Variants in UBAC2 observed in about 807,000 individuals in gnomAD.
UBAC2 encodes ubiquitin-associated domain-containing protein 2.
In UBAC2, 26 loss-of-function variants were observed where a neutral mutation model predicts 44.0. That is an observed-to-expected ratio of 0.59 (90% confidence interval 0.43 to 0.82). The LOEUF (loss-of-function observed/expected upper bound fraction) is 0.82. Ranked by LOEUF, UBAC2 falls within the 40% of genes least tolerant of loss-of-function variation. The probability of loss-of-function intolerance (pLI) is 0.00; values close to 1 mark genes in which losing one functional copy is unlikely to be tolerated. For missense variants in UBAC2, 329 were observed against 419.4 expected, an observed-to-expected ratio of 0.78 and a Z score of 1.88; for synonymous variants, 155 against 154.3, an observed-to-expected ratio of 1.00 and a Z score of -0.04.
intron 1 of UBAC2, among the ~76,000 whole-genome samples, chr13:99,229,518 A>G (rs931720656): frequency 6.6e-6 from 1 of 152,226 alleles, no homozygotes; most frequent in African/African-American, 2.4e-5. Context: ...GGTCTGGACA[A>G]CCAGGGACAG....
chr13:99,358,133 C>G (rs1411166672), intron 7 of UBAC2, among the ~76,000 whole-genome samples: 7 of 152,088 alleles, frequency 4.6e-5, no homozygotes, highest in Non-Finnish European at 1.0e-4. Context: ...GGCTCCCCAG[C>G]AGGAGTAGAG....
chr13:99,324,043 T>G (rs1033739305), intron 6 of UBAC2, among the ~76,000 whole-genome samples: 3 of 152,194 alleles, frequency 2.0e-5, no homozygotes, highest in Non-Finnish European at 4.4e-5. Flanking sequence ...CCCCTGTCAC[T>G]TCTGTGAACC....
At chr13:99,341,656 AAAG>A (rs2044891219) in intron 7 of UBAC2, among the ~76,000 whole-genome samples, 1 of 152,210 alleles carries the variant, frequency 6.6e-6, no homozygotes, top group African/African-American at 2.4e-5. Flanking sequence ...AGCCGAAAGC[AAAG>A]AAGTAGTAAG....
rs2043617388 is a variant in UBAC2 at position 99,259,057 on chromosome 13, G to GA, written c.389+14436dup. On this transcript the variant is annotated intron_variant, in intron 4 of 8. Transcript: ENST00000403766. ...ATAAAAATTTCTGCAAATCTTAGCA[G>GA]AAAGGACTCTGAAGTCTTTAGTGGA... Among the ~76,000 whole-genome samples, 4 of 152,280 alleles carry GA rather than the reference G, an allele frequency of 2.6e-5. No individual in the cohort carries two copies. The South Asian group carries it at 8.3e-4, about 32-fold the overall frequency.
chr13:99,314,824 C>T (rs2044466995), intron 5 of UBAC2: 1 of 152,332 alleles, frequency 6.6e-6, no homozygotes, highest in Non-Finnish European at 1.5e-5. Context: ...GTCAATTGCT[C>T]CCTGCTGGGC....
At chr13:99,248,388 A>ATTTT (rs35640725) in intron 4 of UBAC2, among the ~76,000 whole-genome samples, 2 of 130,142 alleles carry the variant, frequency 1.5e-5, no homozygotes, top group African/African-American at 5.8e-5. Flanking sequence ...TGCCCACCTA[A>ATTTT]TTTTTTTTTT....
At chr13:99,321,886 T>C (rs2044573342) in intron 6 of UBAC2, among the ~76,000 whole-genome samples, 2 of 152,194 alleles carry the variant, frequency 1.3e-5, no homozygotes, top group Non-Finnish European at 2.9e-5. Flanking sequence ...TATTTTGTTA[T>C]CCAGTAGAGA....
chr13:99,243,993 A>C, intron 3 of UBAC2, 42 bp downstream of exon 3: 1 of 1,460,810 alleles, frequency 6.8e-7, no homozygotes. Context: ...TAGGCTGTAG[A>C]AAAAAATTTT....
chr13:99,215,563 C>T, intron 1 of UBAC2: 2 of 1,428,402 alleles, frequency 1.4e-6, no homozygotes, highest in Non-Finnish European at 2.0e-6. Context: ...AGTTCAAGTC[C>T]CTCTGCGGTG....
chr13:99,322,648 T>C (rs1011032985), intron 6 of UBAC2, among the ~76,000 whole-genome samples: 2 of 152,194 alleles, frequency 1.3e-5, no homozygotes, highest in Non-Finnish European at 2.9e-5. Flanking sequence ...AGACTTTGAT[T>C]ATCTCTGATC....
chr13:99,226,050 T>G (rs2043107029), intron 1 of UBAC2, among the ~76,000 whole-genome samples: 1 of 152,202 alleles, frequency 6.6e-6, no homozygotes, highest in South Asian at 2.1e-4. Flanking sequence ...ATAGCAGGAC[T>G]TCATCCCTGA....
chr13:99,259,803 C>T (rs984120890), intron 4 of UBAC2, among the ~76,000 whole-genome samples: 2 of 152,220 alleles, frequency 1.3e-5, no homozygotes, highest in Non-Finnish European at 2.9e-5. Flanking sequence ...TTAGCTTCCC[C>T]ATTGCTGCTA....
intron 1 of UBAC2, among the ~76,000 whole-genome samples, chr13:99,221,574 T>C (rs571486464): frequency 6.6e-6 from 1 of 152,294 alleles, no homozygotes; most frequent in South Asian, 2.1e-4. Flanking sequence ...TCCCATTTGG[T>C]GTGTAAGCTG....
At chr13:99,267,643 C>A (rs1207366579) in intron 4 of UBAC2, among the ~76,000 whole-genome samples, 1 of 152,186 alleles carries the variant, frequency 6.6e-6, no homozygotes, top group African/African-American at 2.4e-5. Flanking sequence ...CTTTCTTATG[C>A]TCTGAAAGGT....
At chr13:99,375,099 G>A (rs1230593756) in intron 8 of UBAC2, among the ~76,000 whole-genome samples, 1 of 152,048 alleles carries the variant, frequency 6.6e-6, no homozygotes, top group African/African-American at 2.4e-5. Context: ...ACTTTTGTGG[G>A]GTGTCTCATT....
At chr13:99,209,370 T>C (rs1407007094) in intron 1 of UBAC2, among the ~76,000 whole-genome samples, 2 of 152,216 alleles carry the variant, frequency 1.3e-5, no homozygotes, top group East Asian at 1.9e-4. Context: ...GGGACTGCCT[T>C]GCAATCACTC....
chr13:99,264,088 C>G (rs763996021), intron 4 of UBAC2, among the ~76,000 whole-genome samples: 3 of 152,116 alleles, frequency 2.0e-5, no homozygotes, highest in Non-Finnish European at 4.4e-5. Context: ...CACTTAGGCC[C>G]AAAGAGATCA....
At chr13:99,369,781 T>C (rs953541031) in intron 8 of UBAC2, among the ~76,000 whole-genome samples, 1 of 152,212 alleles carries the variant, frequency 6.6e-6, no homozygotes, top group African/African-American at 2.4e-5. Context: ...TCACCAATTA[T>C]GGAACAAAGA....
chr13:99,297,020 G>A (rs749600903), intron 4 of UBAC2, among the ~76,000 whole-genome samples: 17 of 152,150 alleles, frequency 1.1e-4, no homozygotes, highest in Admixed American at 7.2e-4. Flanking sequence ...TATATTTGTC[G>A]TGTATATTTT....
Sources: allele counts gnomAD v4.1 joint callset (sites outside exome capture counted in the v4.1 genomes callset), GRCh38; gene constraint gnomAD v4.1.1; transcripts MANE v1.5; gene names NCBI Gene and HGNC (gene_info 2026-07-23, HGNC 2026-07-21).